The following WDFY4 variants were observed in gnomAD, a reference collection of about 807,000 sequenced individuals.
WDFY4 encodes WD repeat- and FYVE domain-containing protein 4.
In WDFY4, 169 loss-of-function variants were observed where a neutral mutation model predicts 351.9. The observed-to-expected ratio is 0.48, with a 90% CI of 0.42 to 0.55. WDFY4 has a LOEUF of 0.55. WDFY4 is among the 20% of genes least tolerant of loss of function. The pLI is 0.00. For synonymous variants in WDFY4, 1,622 were observed against 1,574.6 expected (o/e 1.03, Z -0.71); for missense variants, 3,803 against 3,935.6 (o/e 0.97, Z 0.90).
At chr10:48,856,553 A>G (rs892479655) in intron 39 of WDFY4, among the ~76,000 whole-genome samples, 4 of 152,170 alleles carry the variant, frequency 2.6e-5, no homozygotes, top group Non-Finnish European at 4.4e-5. Context: ...TTACATAGGT[A>G]TACACGTGCC....
At chr10:48,914,729 A>G (rs79892871) in intron 47 of WDFY4, among the ~76,000 whole-genome samples, 56 of 152,274 alleles carry the variant, frequency 3.7e-4, no homozygotes, top group Non-Finnish European at 6.0e-4. Flanking sequence ...TCTTCCCCTC[A>G]TGGACCCAGA....
chr10:48,773,717 A>G (rs183944938), intron 13 of WDFY4, among the ~76,000 whole-genome samples: 1 of 152,306 alleles, frequency 6.6e-6, no homozygotes, highest in East Asian at 1.9e-4. Context: ...GATGGCACCC[A>G]GGGGATGAGA....
intron 39 of WDFY4, among the ~76,000 whole-genome samples, chr10:48,849,293 T>C (rs1165817410): frequency 6.6e-6 from 1 of 152,206 alleles, no homozygotes; most frequent in East Asian, 1.9e-4. Context: ...TACTCAACAT[T>C]CCCTCAAACT....
intron 47 of WDFY4, among the ~76,000 whole-genome samples, chr10:48,908,601 A>G (rs1487655695): frequency 6.6e-6 from 1 of 151,466 alleles, no homozygotes; most frequent in East Asian, 1.9e-4. Flanking sequence ...ATAAGGATCT[A>G]TTGATTGTTG....
rs1354308651 is a variant in WDFY4 at position 48,778,605 on chromosome 10, A to G, written c.3176-6A>G. The G allele has an allele frequency of 6.5e-7, 1 of 1,550,162 alleles. No homozygotes were observed. Among genetic ancestry groups the G allele is most frequent in the African/African-American group, 1.4e-5 (1 of 73,020 alleles). On this transcript the variant is annotated splice_region_variant and splice_polypyrimidine_tract_variant and intron_variant, in intron 17 of 61. Transcript: ENST00000325239. ...AGCCTGAGGGCATGCCTGTGTTCCC[A>G]CCCAGGTGCCACCAGACCGTTCCCT...
At chr10:48,795,674 G>A (rs1440417956) in intron 23 of WDFY4, among the ~76,000 whole-genome samples, 1 of 151,944 alleles carries the variant, frequency 6.6e-6, no homozygotes, top group Non-Finnish European at 1.5e-5. Context: ...GGGGAATGGA[G>A]CCATGGATGG....
chr10:48,959,613 G>A (rs1841766660), intron 52 of WDFY4, 109 bp from the exon 53 acceptor site: 13 of 978,700 alleles, frequency 1.3e-5, no homozygotes, highest in South Asian at 4.2e-5. Context: ...CATAACTCAC[G>A]TTCAGACCTA....
At position 48,956,016 on chromosome 10, in the gene WDFY4, C is replaced by G. The variant is rs1371026442; in HGVS notation, c.7978-1113C>G. Among the ~76,000 whole-genome samples, 3 of 152,346 alleles carry G rather than the reference C, an allele frequency of 2.0e-5. No individual in the cohort carries two copies. In the East Asian group the frequency reaches 5.8e-4, roughly 29 times the overall value. ...CCAAAACTTACTTAGACCCAAGGCT[C>G]AATTTCAGAAACTGTCTCCTGAAGT... On this transcript the variant is annotated intron_variant, in intron 51 of 61. Transcript: ENST00000325239.
chr10:48,742,614 C>CAGT (rs1216359983), intron 11 of WDFY4, among the ~76,000 whole-genome samples: 1 of 152,130 alleles, frequency 6.6e-6, no homozygotes. Context: ...CAAGTAGCTG[C>CAGT]AGTAGAGTAT....
At chr10:48,756,893 G>GT (rs1234460113) in intron 12 of WDFY4, among the ~76,000 whole-genome samples, 1 of 151,960 alleles carries the variant, frequency 6.6e-6, no homozygotes, top group East Asian at 1.9e-4. Context: ...CTGAAATGTA[G>GT]TTTTTTTATA....
At chr10:48,791,348 T>C (rs1455753347) in intron 23 of WDFY4, among the ~76,000 whole-genome samples, 1 of 152,328 alleles carries the variant, frequency 6.6e-6, no homozygotes, top group East Asian at 1.9e-4. Flanking sequence ...TGTAATAGGG[T>C]TGCAGTGAGG....
At chr10:48,941,414 GT>G (rs1840755930) in intron 47 of WDFY4, among the ~76,000 whole-genome samples, 1 of 152,190 alleles carries the variant, frequency 6.6e-6, no homozygotes, top group Admixed American at 6.5e-5. Flanking sequence ...GGCCTTCCAC[GT>G]TGTTTGCATT....
chr10:48,803,017 G>T (rs1230282902), intron 24 of WDFY4, among the ~76,000 whole-genome samples: 1 of 152,216 alleles, frequency 6.6e-6, no homozygotes, highest in Non-Finnish European at 1.5e-5. Context: ...GCAGATGGGG[G>T]AGATGGTTAG....
At chr10:48,772,417 A>G (rs1316574791) in intron 13 of WDFY4, among the ~76,000 whole-genome samples, 1 of 147,560 alleles carries the variant, frequency 6.8e-6, no homozygotes, top group African/African-American at 2.5e-5. Context: ...GTGCGTGTGT[A>G]TGTAAGTAGG....
rs1199757558 is a variant in WDFY4, at chr10:48,807,911, G to A, written c.4791G>A (p.Glu1597=). The A allele has an allele frequency of 3.9e-6, 6 of 1,551,414 alleles. No homozygotes were observed. The African/African-American group carries it at 8.2e-5, about 21-fold the overall frequency. The part of the protein sequence containing the change: ...KTIWLRNQLL[E]MLLSVISSPQ... ...TCTGGCTCAGAAACCAGTTGCTGGA[G>A]ATGCTGCTCAGTGTAATATCTTCCC... is the stretch of plus-strand genomic sequence containing the variant. Residue 1597 remains glutamate, a synonymous_variant, in exon 28 of 62, where the codon GAG becomes GAA. Coordinates refer to ENST00000325239, the MANE Select transcript of WDFY4 (RefSeq NM_001394531.1).
chr10:48,755,137 T>C (rs1234039805), intron 12 of WDFY4, among the ~76,000 whole-genome samples: 3 of 152,300 alleles, frequency 2.0e-5, no homozygotes, highest in Middle Eastern at 3.4e-3. Flanking sequence ...CCTTATAGTT[T>C]TGTCTTTCCA....
intron 1 of WDFY4, among the ~76,000 whole-genome samples, chr10:48,708,263 A>G (rs1488687964): frequency 6.6e-6 from 1 of 152,158 alleles, no homozygotes; most frequent in Non-Finnish European, 1.5e-5. Context: ...GCACATAAAG[A>G]GTGAGAATGT....
intron 19 of WDFY4, among the ~76,000 whole-genome samples, chr10:48,786,067 T>G (rs188414527): frequency 5.3e-5 from 8 of 152,348 alleles, no homozygotes; most frequent in African/African-American, 1.4e-4. Context: ...ATCCTCTACT[T>G]GTCTTACTAA....
intron 47 of WDFY4, among the ~76,000 whole-genome samples, chr10:48,913,076 C>T (rs1838152708): frequency 6.6e-6 from 1 of 152,152 alleles, no homozygotes; most frequent in African/African-American, 2.4e-5. Context: ...GCATTAGCTG[C>T]TTAGGCCACA....
Sources: gnomAD v4.1 joint callset for allele counts (sites outside exome capture counted in the v4.1 genomes callset) on GRCh38, gnomAD v4.1.1 for gene constraint, MANE v1.5 for transcripts, NCBI Gene and HGNC (gene_info 2026-07-23, HGNC 2026-07-21) for gene names.